IL1RAPL1: variants seen among roughly 807,000 people sequenced by gnomAD.
The protein encoded by IL1RAPL1 is interleukin 1 receptor accessory protein like 1.
Under a neutral mutation model 48.4 loss-of-function variants are expected in IL1RAPL1, and 3 were observed. The ratio of observed to expected loss-of-function variants is 0.06; its 90% CI spans 0.03 to 0.16. IL1RAPL1 has a LOEUF of 0.16. Among genes scored for constraint, IL1RAPL1 ranks in the 10% least tolerant of loss-of-function variants. The pLI, the probability that IL1RAPL1 is intolerant of heterozygous loss-of-function variation, is 1.00. For missense variants in IL1RAPL1, 349 were observed against 530.6 expected (o/e 0.66, Z 3.36); for synonymous variants, 185 against 187.7 (o/e 0.99, Z 0.12).
chrX:28,616,777 C>T (rs1334521673), intron 1 of IL1RAPL1, among the ~76,000 whole-genome samples: 1 of 112,221 alleles, frequency 8.9e-6, no homozygotes, highest in Admixed American at 9.4e-5. Flanking sequence ...TTCATAATCC[C>T]TTACTCATTC....
intron 5 of IL1RAPL1, among the ~76,000 whole-genome samples, chrX:29,527,932 A>G (rs1935571976): frequency 8.9e-6 from 1 of 112,046 alleles, no homozygotes; most frequent in African/African-American, 3.2e-5. Flanking sequence ...AACAATAAGT[A>G]AAAGCAAATT....
In IL1RAPL1 at chrX:29,722,226, A is replaced by C. The variant is rs749623033; in HGVS notation, c.778+53722A>C. On this transcript the variant is annotated intron_variant, in intron 6 of 10. Coordinates refer to ENST00000378993, the MANE Select transcript of IL1RAPL1 (RefSeq NM_014271.4). ...CATTCTTATCTTTTTGATTCATATA[A>C]ATGTCTTATATGTCACTTATATTAG... Among the ~76,000 whole-genome samples the C allele has an allele frequency of 2.7e-5, 3 of 112,110 alleles. No homozygotes were observed. The South Asian group carries it at 1.1e-3, about 41-fold the overall frequency.
intron 1 of IL1RAPL1, among the ~76,000 whole-genome samples, chrX:28,720,109 T>TA (rs765129656): frequency 1.3e-4 from 15 of 111,477 alleles, no homozygotes; most frequent in Non-Finnish European, 2.3e-4. Context: ...TCATTTGTAA[T>TA]AAAAAAAGTC....
intron 1 of IL1RAPL1, among the ~76,000 whole-genome samples, chrX:28,704,416 AC>A (rs1935339625): frequency 1.5e-5 from 1 of 66,514 alleles, no homozygotes; most frequent in Admixed American, 2.0e-4. Flanking sequence ...CATTTAAAAC[AC>A]ACAAACACAC....
intron 1 of IL1RAPL1, among the ~76,000 whole-genome samples, chrX:28,704,829 CACAA>C (rs1273669619): frequency 2.5e-4 from 8 of 31,858 alleles, no homozygotes; most frequent in South Asian, 1.7e-3. Context: ...CACACACACA[CACAA>C]AAAAAAAAAA....
At chrX:29,233,002 T>G (rs1045254392) in intron 2 of IL1RAPL1, among the ~76,000 whole-genome samples, 3 of 110,887 alleles carry the variant, frequency 2.7e-5, no homozygotes, top group Non-Finnish European at 5.7e-5. Flanking sequence ...TTTCACCATG[T>G]TGGCCAGGCT....
chrX:29,375,820 C>T (rs900513975), intron 3 of IL1RAPL1, among the ~76,000 whole-genome samples: 2 of 112,110 alleles, frequency 1.8e-5, no homozygotes, highest in Non-Finnish European at 3.8e-5. Context: ...TTATCCATTT[C>T]CCCTAGATTT....
intron 2 of IL1RAPL1, among the ~76,000 whole-genome samples, chrX:29,229,309 ACT>A (rs1376644216): frequency 9.1e-6 from 1 of 109,400 alleles, no homozygotes; most frequent in Admixed American, 9.8e-5. Context: ...AGTGTTGGAA[ACT>A]CTGCTTTAGC....
intron 5 of IL1RAPL1, among the ~76,000 whole-genome samples, chrX:29,632,338 A>G (rs1224321942): frequency 1.8e-5 from 2 of 109,304 alleles, no homozygotes; most frequent in Non-Finnish European, 3.8e-5. Context: ...TTCAGTAGAG[A>G]CGGGGTTTCA....
At chrX:28,762,786 G>GCGCACACACACA (rs1366464632) in intron 1 of IL1RAPL1, among the ~76,000 whole-genome samples, 8 of 62,969 alleles carry the variant, frequency 1.3e-4, no homozygotes, top group East Asian at 5.9e-4. Flanking sequence ...GCACGCGCGC[G>GCGCACACACACA]CACACACACA....
intron 3 of IL1RAPL1, among the ~76,000 whole-genome samples, chrX:29,373,513 C>T (rs1288348092): frequency 9.0e-6 from 1 of 110,932 alleles, no homozygotes; most frequent in African/African-American, 3.3e-5. Flanking sequence ...GGGGGATGGT[C>T]CCAGCTTTTG....
At chrX:28,685,169 G>C (rs1404841053) in intron 1 of IL1RAPL1, among the ~76,000 whole-genome samples, 1 of 112,395 alleles carries the variant, frequency 8.9e-6, no homozygotes, top group Non-Finnish European at 1.9e-5. Flanking sequence ...TACAATGACT[G>C]AATCAACAAT....
intron 2 of IL1RAPL1, among the ~76,000 whole-genome samples, chrX:29,254,170 A>T (rs956022009): frequency 1.8e-5 from 2 of 111,558 alleles, no homozygotes; most frequent in African/African-American, 6.5e-5. Context: ...CAACTGAAAA[A>T]GCAAAAAATT....
At chrX:29,874,823 G>T (rs754538573) in intron 6 of IL1RAPL1, among the ~76,000 whole-genome samples, 1 of 112,196 alleles carries the variant, frequency 8.9e-6, no homozygotes, top group African/African-American at 3.2e-5. Flanking sequence ...ACTGAGGTAG[G>T]TGCTATATGT....
At chrX:28,736,369 G>A (rs1337313826) in intron 1 of IL1RAPL1, among the ~76,000 whole-genome samples, 1 of 109,012 alleles carries the variant, frequency 9.2e-6, no homozygotes, top group Non-Finnish European at 1.9e-5. Flanking sequence ...AGGAGGCAGA[G>A]GTTGCAGTGA....
chrX:29,929,983 C>A lies in IL1RAPL1; in HGVS notation c.1057+9889C>A, dbSNP rs183406066. Among the ~76,000 whole-genome samples, 4 of 111,882 alleles carry A rather than the reference C, an allele frequency of 3.6e-5. No individual in the cohort carries two copies. In the East Asian group the frequency reaches 1.1e-3, roughly 31 times the overall value. On this transcript the variant is annotated intron_variant, in intron 8 of 10. Coordinates refer to ENST00000378993, the MANE Select transcript of IL1RAPL1 (RefSeq NM_014271.4). ...AAAATTCTATTTAGTTAGGCTTCTT[C>A]GGTAGACTGCTACCACTGGCAATTC...
chrX:29,116,785 G>A (rs1465020164), intron 2 of IL1RAPL1, among the ~76,000 whole-genome samples: 1 of 111,467 alleles, frequency 9.0e-6, no homozygotes, highest in Non-Finnish European at 1.9e-5. Context: ...AAATAAAAGT[G>A]CTTTGTGTAA....
chrX:29,500,782 G>A lies in IL1RAPL1; in HGVS notation c.703+101474G>A, dbSNP rs1935263910. On this transcript the variant is annotated intron_variant, in intron 5 of 10. Transcript: ENST00000378993. ...GAATAGTGCTGCAATAAACATGGAAGTGTAGATCTCTCTTTGATATATTTG... is the reference window on the plus strand; with the variant it reads ...GAATAGTGCTGCAATAAACATGGAAATGTAGATCTCTCTTTGATATATTTG... Among the ~76,000 whole-genome samples the A allele has an allele frequency of 2.7e-5, 3 of 111,501 alleles. No individual in the cohort carries two copies. The South Asian group carries it at 1.1e-3, about 42-fold the overall frequency.
chrX:29,517,721 A>G lies in IL1RAPL1; in HGVS notation c.703+118413A>G, dbSNP rs147827513. ...ATATGTAGCAATCACTTGACTGTAT[A>G]GATCAAATTTTACTTTCTAAAAGCT... On this transcript the variant is annotated intron_variant, in intron 5 of 10. Transcript: ENST00000378993. Among the ~76,000 whole-genome samples the G allele has an allele frequency of 5.1e-3, 568 of 112,392 alleles. 2 individuals are homozygous for G. The highest frequency in any genetic ancestry group is 0.014 in the Middle Eastern group (3 of 215).
Sources: allele counts gnomAD v4.1 joint callset (sites outside exome capture counted in the v4.1 genomes callset), GRCh38; gene constraint gnomAD v4.1.1; transcripts MANE v1.5; gene names NCBI Gene and HGNC (gene_info 2026-07-23, HGNC 2026-07-21).